The following MAGI2 variants were observed in gnomAD, a reference collection of about 807,000 sequenced individuals.
The protein encoded by MAGI2 is membrane associated guanylate kinase, WW and PDZ domain containing 2, also known as membrane-associated guanylate kinase, WW and PDZ domain-containing protein 2.
Under a neutral mutation model 133.3 loss-of-function variants are expected in MAGI2, and 35 were observed. The observed-to-expected ratio is 0.26, with a 90% CI of 0.20 to 0.35. The LOEUF (loss-of-function observed/expected upper bound fraction) is 0.35, where lower values mean the gene tolerates loss of function less well. MAGI2 is among the 10% of genes least tolerant of loss of function. The probability of loss-of-function intolerance (pLI) is 1.00; values close to 1 mark genes in which losing one functional copy is unlikely to be tolerated. For missense variants in MAGI2, 1,636 were observed against 1,863.4 expected (o/e 0.88, Z 2.25); for synonymous variants, 729 against 710.6 (o/e 1.03, Z -0.41).
At chr7:78,326,692 C>T (rs569978595) in intron 9 of MAGI2, among the ~76,000 whole-genome samples, 74 of 152,276 alleles carry the variant, frequency 4.9e-4, no homozygotes, top group African/African-American at 1.7e-3. Context: ...CCAATTACTA[C>T]TTTCATTCCT....
At chr7:78,022,911 G>A (rs868164113) in intron 21 of MAGI2, among the ~76,000 whole-genome samples, 4 of 152,036 alleles carry the variant, frequency 2.6e-5, no homozygotes, top group Non-Finnish European at 4.4e-5. Flanking sequence ...ACTTAACAGC[G>A]GGAGAAACTA....
chr7:79,356,637 C>A (rs1842036754), intron 1 of MAGI2, among the ~76,000 whole-genome samples: 1 of 152,108 alleles, frequency 6.6e-6, no homozygotes, highest in Non-Finnish European at 1.5e-5. Context: ...GTGATACTAT[C>A]TTAAACAATT....
rs567016367 is a variant in MAGI2, at chr7:78,372,182, G to A, written c.1046-2969C>T. Among the ~76,000 whole-genome samples the A allele has an allele frequency of 2.0e-5, 3 of 152,086 alleles. No homozygotes were observed. The East Asian group carries it at 5.8e-4, about 29-fold the overall frequency. On this transcript the variant is annotated intron_variant, in intron 6 of 21. Transcript: ENST00000354212. ...CAAAGATTTAACCTAGTATGCTAATGAAAAAACACAACTTTCACAAGTTTT... is the reference window on the plus strand; with the variant it reads ...CAAAGATTTAACCTAGTATGCTAATAAAAAAACACAACTTTCACAAGTTTT...
At chr7:78,675,795 T>C (rs1814961098) in intron 2 of MAGI2, among the ~76,000 whole-genome samples, 1 of 152,156 alleles carries the variant, frequency 6.6e-6, no homozygotes, top group Non-Finnish European at 1.5e-5. Context: ...TCCTTCTTGT[T>C]TTCCAAATGG....
At chr7:78,310,101 G>A (rs938781871) in intron 9 of MAGI2, among the ~76,000 whole-genome samples, 1 of 151,986 alleles carries the variant, frequency 6.6e-6, no homozygotes, top group Non-Finnish European at 1.5e-5. Flanking sequence ...ATTAAAATAA[G>A]TTTTTTATTT....
chr7:78,965,082 A>C (rs1351196844), intron 2 of MAGI2, among the ~76,000 whole-genome samples: 1 of 151,548 alleles, frequency 6.6e-6, no homozygotes, highest in Admixed American at 6.6e-5. Context: ...TGAAATTAAT[A>C]TATTAACTAA....
At chr7:79,128,497 C>G (rs572662390) in intron 1 of MAGI2, among the ~76,000 whole-genome samples, 4 of 152,246 alleles carry the variant, frequency 2.6e-5, no homozygotes, top group Non-Finnish European at 5.9e-5. Flanking sequence ...TCCTGCTTTT[C>G]TTTTATATTA....
At chr7:78,643,114 A>T (rs1365810998) in intron 2 of MAGI2, among the ~76,000 whole-genome samples, 2 of 152,196 alleles carry the variant, frequency 1.3e-5, no homozygotes, top group Non-Finnish European at 2.9e-5. Context: ...AAAATAACAC[A>T]AGTACCTCTT....
At position 78,503,294 on chromosome 7, in the gene MAGI2, A is replaced by G. The variant is rs115335214; in HGVS notation, c.755-1507T>C. 8.6e-3 allele frequency among the ~76,000 whole-genome samples: 1,307 copies of G among 152,226 alleles called. 15 individuals are homozygous for G. The highest frequency in any genetic ancestry group is 0.03 in the African/African-American group (1,263 of 41,540). ...CAAAATTTGAAAAATTACTCTAACCATATCATGATGATTGAATCAGAGCAG... is the reference window on the plus strand; with the variant it reads ...CAAAATTTGAAAAATTACTCTAACCGTATCATGATGATTGAATCAGAGCAG... On this transcript the variant is annotated intron_variant, in intron 4 of 21. Coordinates refer to ENST00000354212, the MANE Select transcript of MAGI2 (RefSeq NM_012301.4).
intron 9 of MAGI2, among the ~76,000 whole-genome samples, chr7:78,342,480 A>G (rs1157998683): frequency 6.6e-6 from 1 of 152,216 alleles, no homozygotes; most frequent in African/African-American, 2.4e-5. Flanking sequence ...AAGGATTATA[A>G]ATCATTCTAC....
chr7:79,100,500 A>T (rs1817883083), intron 1 of MAGI2, among the ~76,000 whole-genome samples: 1 of 151,328 alleles, frequency 6.6e-6, no homozygotes, highest in Admixed American at 6.6e-5. Flanking sequence ...TATAAATATA[A>T]TTTTCTTAGC....
intron 2 of MAGI2, among the ~76,000 whole-genome samples, chr7:78,712,850 C>T (rs773940681): frequency 6.6e-6 from 1 of 151,958 alleles, no homozygotes; most frequent in Non-Finnish European, 1.5e-5. Flanking sequence ...TTTAAATCTT[C>T]CATCCCCAAG....
intron 1 of MAGI2, among the ~76,000 whole-genome samples, chr7:79,370,904 A>G (rs1352964762): frequency 2.0e-5 from 3 of 152,126 alleles, no homozygotes; most frequent in Non-Finnish European, 4.4e-5. Flanking sequence ...AAATGAAATT[A>G]CTTGGTTCAT....
intron 2 of MAGI2, among the ~76,000 whole-genome samples, chr7:78,650,601 T>C (rs1271233381): frequency 2.0e-5 from 3 of 152,210 alleles, no homozygotes; most frequent in East Asian, 1.9e-4. Context: ...TACAGGGGCA[T>C]GTATAGACAG....
At chr7:78,966,542 G>A (rs1020471322) in intron 2 of MAGI2, among the ~76,000 whole-genome samples, 7 of 152,012 alleles carry the variant, frequency 4.6e-5, no homozygotes, top group East Asian at 1.9e-4. Context: ...TCCATTGTAC[G>A]TATATGCTAC....
chr7:78,509,636 A>G (rs1210477123), intron 4 of MAGI2, among the ~76,000 whole-genome samples: 1 of 152,176 alleles, frequency 6.6e-6, no homozygotes, highest in East Asian at 1.9e-4. Flanking sequence ...TTTCTTGTTT[A>G]TTGCCCTGCC....
At chr7:78,486,875 C>T in intron 6 of MAGI2, 1 of 507,218 alleles carries the variant, frequency 2.0e-6, no homozygotes, top group Non-Finnish European at 3.9e-6. Context: ...GGCACAATTG[C>T]CTGACAGATC....
intron 3 of MAGI2, among the ~76,000 whole-genome samples, chr7:78,594,465 G>T (rs1390884560): frequency 5.3e-5 from 8 of 151,848 alleles, no homozygotes; most frequent in Non-Finnish European, 8.8e-5. Context: ...TATTTTTTTT[G>T]TTGTTTTTTT....
At chr7:78,470,141 C>T (rs183545861) in intron 6 of MAGI2, among the ~76,000 whole-genome samples, 4 of 152,220 alleles carry the variant, frequency 2.6e-5, no homozygotes, top group African/African-American at 9.6e-5. Context: ...TCATTTTTCA[C>T]ACCCAAGTCT....
Sources: gnomAD v4.1 joint callset for allele counts (sites outside exome capture counted in the v4.1 genomes callset) on GRCh38, gnomAD v4.1.1 for gene constraint, MANE v1.5 for transcripts, NCBI Gene and HGNC (gene_info 2026-07-23, HGNC 2026-07-21) for gene names.